The following HSPD1 variants were observed in gnomAD, a reference collection of about 807,000 sequenced individuals.
HSPD1 encodes the protein 60 kDa heat shock protein, mitochondrial.
A neutral mutation model predicts 53.0 loss-of-function variants in HSPD1; 3 were observed. The observed-to-expected ratio is 0.06, with a 90% CI of 0.03 to 0.15. The LOEUF is 0.15. HSPD1 is among the 10% of genes least tolerant of loss of function. The pLI, the probability that HSPD1 is intolerant of heterozygous loss-of-function variation, is 1.00. For missense variants in HSPD1, 431 were observed against 694.1 expected, an observed-to-expected ratio of 0.62 and a Z score of 4.26; for synonymous variants, 200 against 228.0, an observed-to-expected ratio of 0.88 and a Z score of 1.10.
intron 6 of HSPD1, 78 bp downstream of exon 6, chr2:197,494,071 ACTGCACTC>A: frequency 1.4e-6 from 1 of 723,740 alleles, no homozygotes; most frequent in South Asian, 1.5e-5. Flanking sequence ...ACATCATGCC[ACTGCACTC>A]CAGCCGGGGC....
rs1416749945 is a variant in HSPD1, at chr2:197,489,143, T to C, written c.1074A>G (p.Leu358=). The C allele has an allele frequency of 6.8e-6, 11 of 1,614,036 alleles. No homozygotes were observed. The highest frequency in any genetic ancestry group is 8.5e-6 in the Non-Finnish European group (10 of 1,180,010). The change falls in exon 9 of 12, where the codon TTA becomes TTG. Residue 358 remains leucine, a synonymous_variant. Coordinates refer to ENST00000388968, the MANE Select transcript of HSPD1 (RefSeq NM_002156.5). ...TTTGAGCCTTGTCACCTTTTCCTTT[T>C]AAGAGCATGGCATCGTCTTTGGTCA... The part of the protein sequence containing the change: ...VIVTKDDAML[L]KGKGDKAQIE...
At chr2:197,500,259 C>G, upstream of HSPD1, 1 of 765,680 alleles carries the variant, frequency 1.3e-6, no homozygotes, top group Non-Finnish European at 2.2e-6. Context: ...GGGCGAATCG[C>G]GGTGCGCGTC....
At chr2:197,488,936 A>G (rs2086058482) in intron 9 of HSPD1, 66 bp downstream of exon 9, 16 of 1,531,038 alleles carry the variant, frequency 1.0e-5, no homozygotes, top group Admixed American at 1.7e-5. Context: ...ACTGGGGAAT[A>G]CTACAGAAGC....
Position 197,486,912 on chromosome 2 carries a change from G to C in HSPD1, c.*134C>G, listed in dbSNP as rs932315571. ...ATTTTGTCAACTGAAACCAGTAACT[G>C]ATGGTTATAGTGATTTTCAGCCAGC... is the stretch of plus-strand genomic sequence containing the variant. On this transcript the variant is annotated 3_prime_UTR_variant, in exon 12 of 12. Coordinates refer to ENST00000388968, the MANE Select transcript of HSPD1 (RefSeq NM_002156.5). 1.3e-6 allele frequency: 1 copy of C among 758,912 alleles called. No individual in the cohort carries two copies. Among genetic ancestry groups the C allele is most frequent in the Non-Finnish European group, 2.4e-6 (1 of 421,810 alleles). 47.0% of individuals were successfully genotyped at this position (758,912 alleles called of 1,614,324 possible). A position where few individuals can be genotyped will look rare whatever the true frequency, so the allele number is the denominator to read the frequency against.
rs2303884 is a variant in HSPD1 at position 197,487,981 on chromosome 2, A to G, written c.1446T>C (p.Asn482=). The part of the protein sequence containing the change: ...LKIPAMTIAK[N]AGVEGSLIVE... ...CTATCAAAGATCCTTCAACACCTGC[A>G]TTCTTAGCAATGGTCATTGCTGGAA... The change falls in exon 11 of 12, where the codon AAT becomes AAC. Residue 482 remains asparagine, a synonymous_variant. Coordinates refer to ENST00000388968, the MANE Select transcript of HSPD1 (RefSeq NM_002156.5). The G allele has an allele frequency of 2.6e-4, 422 of 1,613,092 alleles. 3 individuals are homozygous for G. In the East Asian group the frequency reaches 9.3e-3, roughly 36 times the overall value.
intron 7 of HSPD1, 128 bp from the exon 8 acceptor site, chr2:197,490,424 T>G (rs922704115): frequency 1.3e-5 from 8 of 628,402 alleles, no homozygotes; most frequent in East Asian, 3.0e-5. Context: ...TGTTTTTTTG[T>G]TTTTTTTTTG....
Position 197,489,031 on chromosome 2 carries a change from T to C in HSPD1, c.1186A>G (p.Lys396Glu). ...AGCACAGCCACTCCATCTGAAAGTTTTGCAAGCCGTTCATTCAGTTTTTCC... is the reference window on the plus strand; with the variant it reads ...AGCACAGCCACTCCATCTGAAAGTTCTGCAAGCCGTTCATTCAGTTTTTCC... ...EKEKLNERLAKLSDGVAVLKV... is the reference protein window; with the variant it reads ...EKEKLNERLAELSDGVAVLKV... The change falls in exon 9 of 12, where the codon AAA (lysine) becomes GAA (glutamate). Residue 396 changes from lysine (K) to glutamate (E), a missense_variant. Physicochemically the swap from Lys to Glu is moderately conservative, Grantham distance 56. Around this residue, in one of 2 missense-constraint regions of HSPD1, gnomAD observed 386 missense variants for 657.6 expected, o/e 0.59. Transcript: ENST00000388968. The C allele has an allele frequency of 6.2e-7, 1 of 1,613,994 alleles. No homozygotes were observed. The highest frequency in any genetic ancestry group is 1.3e-5 in the African/African-American group (1 of 75,056).
intron 4 of HSPD1, 169 bp downstream of exon 4, chr2:197,495,125 C>A: frequency 3.1e-6 from 2 of 640,508 alleles, no homozygotes; most frequent in East Asian, 2.7e-5. Flanking sequence ...TAAATGACAA[C>A]CATTATGGTC....
chr2:197,497,021 A>T (rs1253572077), intron 3 of HSPD1, 119 bp downstream of exon 3: 1 of 1,029,994 alleles, frequency 9.7e-7, no homozygotes, highest in Non-Finnish European at 1.5e-6. Context: ...CTCCAGGCCA[A>T]GAGGAGGAAT....
intron 8 of HSPD1, 142 bp downstream of exon 8, chr2:197,490,054 CG>C: frequency 1.4e-6 from 1 of 710,198 alleles, no homozygotes; most frequent in Non-Finnish European, 2.5e-6. Context: ...GGCAAATTAA[CG>C]GGAATTTAAT....
At chr2:197,493,127 T>A (rs532673317) in intron 7 of HSPD1, among the ~76,000 whole-genome samples, 197 bp downstream of exon 7, 1 of 152,142 alleles carries the variant, frequency 6.6e-6, no homozygotes, top group Admixed American at 6.5e-5. Context: ...ATCAAAATAG[T>A]AAAGACTTTG....
chr2:197,495,388 A>G lies in HSPD1; in HGVS notation c.428-12T>C. The G allele has an allele frequency of 6.7e-7, 1 of 1,493,526 alleles. No homozygotes were observed. The highest frequency in any genetic ancestry group is 9.3e-7 in the Non-Finnish European group (1 of 1,070,034). 92.5% of individuals were successfully genotyped at this position (1,493,526 alleles called of 1,614,324 possible). A position where few individuals can be genotyped will look rare whatever the true frequency, so the allele number is the denominator to read the frequency against. On this transcript the variant is annotated splice_polypyrimidine_tract_variant and intron_variant, in intron 3 of 11. Coordinates refer to ENST00000388968, the MANE Select transcript of HSPD1 (RefSeq NM_002156.5). ...AGCTAACATCACACCTAGTTCAACG[A>G]TATATGTCATTACAATGTTTATTTC...
chr2:197,487,217 A>T lies in HSPD1; in HGVS notation c.1570-19T>A, dbSNP rs563146858. On this transcript the variant is annotated intron_variant, in intron 11 of 11. Transcript: ENST00000388968. ...TCACAACCTAGAAAAAAATTTAATT[A>T]ATTAGTTTTCCCTTAGTAAAATATG... The T allele has an allele frequency of 1.4e-5, 22 of 1,610,320 alleles. No homozygotes were observed. The highest frequency in any genetic ancestry group is 2.7e-5 in the African/African-American group (2 of 74,834).
intron 8 of HSPD1, 89 bp downstream of exon 8, chr2:197,490,108 T>C (rs1163885635): frequency 4.2e-6 from 4 of 954,212 alleles, no homozygotes; most frequent in Non-Finnish European, 6.8e-6. Context: ...CAGATAGTTG[T>C]AGTATCTAAT....
At chr2:197,499,225 C>T (rs1172861879) in intron 1 of HSPD1, 2 of 353,576 alleles carry the variant, frequency 5.7e-6, no homozygotes, top group Non-Finnish European at 1.1e-5. Context: ...AGTTACAAAT[C>T]CAAGTGACCA....
chr2:197,491,893 C>G (rs940258246), intron 7 of HSPD1, among the ~76,000 whole-genome samples: 58 of 152,180 alleles, frequency 3.8e-4, no homozygotes, highest in African/African-American at 1.4e-3. Flanking sequence ...AATCCCAGCA[C>G]TTTGGGAGGC....
At chr2:197,491,019 C>T (rs1374940534) in intron 7 of HSPD1, among the ~76,000 whole-genome samples, 2 of 152,032 alleles carry the variant, frequency 1.3e-5, no homozygotes, top group African/African-American at 2.4e-5. Flanking sequence ...ACAGAAGCAA[C>T]GTTCAAACTT....
Position 197,490,178 on chromosome 2 carries a change from T to C in HSPD1, c.969+19A>G, listed in dbSNP as rs754843124. On this transcript the variant is annotated intron_variant, in intron 8 of 11. Coordinates refer to ENST00000388968, the MANE Select transcript of HSPD1 (RefSeq NM_002156.5). Reference sequence around the variant, plus strand: ...AGTATAAACATTCAGCAAACCATTATCACATTTATTTTACTTACTGCACCA... The same window carrying C: ...AGTATAAACATTCAGCAAACCATTACCACATTTATTTTACTTACTGCACCA... 8 of 1,492,772 alleles carry C rather than the reference T, an allele frequency of 5.4e-6. No individual in the cohort carries two copies. The highest frequency in any genetic ancestry group is 7.5e-6 in the Non-Finnish European group (8 of 1,070,044). The allele number at this position is 1,492,772 out of a possible 1,614,324, so 92.5% of individuals were successfully genotyped here.
At position 197,498,666 on chromosome 2, in the gene HSPD1, T is replaced by G. The variant is rs532243951; in HGVS notation, c.174+9A>C. 1.2e-6 allele frequency: 2 copies of G among 1,611,374 alleles called. No individual in the cohort carries two copies. The highest frequency in any genetic ancestry group is 2.2e-5 in the South Asian group (2 of 91,022). ...TACCGTAATTACAATAAAATAAAAA[T>G]ACTGGTACCTTTGGCCCCATTGTAA... is the stretch of plus-strand genomic sequence containing the variant. On this transcript the variant is annotated intron_variant, in intron 2 of 11. Coordinates refer to ENST00000388968, the MANE Select transcript of HSPD1 (RefSeq NM_002156.5).
Sources: gnomAD v4.1 joint callset for allele counts (sites outside exome capture counted in the v4.1 genomes callset) on GRCh38, gnomAD v4.1.1 for gene constraint, gnomAD v4.1.1 regional missense constraint, MANE v1.5 for transcripts, NCBI Gene and HGNC (gene_info 2026-07-23, HGNC 2026-07-21) for gene names.